The following FAF1 variants were observed in gnomAD, a reference collection of about 807,000 sequenced individuals.
FAF1 encodes Fas associated factor 1, also known as FAS-associated factor 1.
In FAF1, 25 loss-of-function variants were observed where a neutral mutation model predicts 92.5. The observed-to-expected ratio is 0.27, with a 90% CI of 0.20 to 0.38. FAF1 has a LOEUF of 0.38. Among genes scored for constraint, FAF1 ranks in the 10% least tolerant of loss-of-function variants. The pLI, the probability that FAF1 is intolerant of heterozygous loss-of-function variation, is 1.00. For synonymous variants in FAF1, 234 were observed against 273.2 expected, an observed-to-expected ratio of 0.86 and a Z score of 1.42; for missense variants, 636 against 793.3, an observed-to-expected ratio of 0.80 and a Z score of 2.38.
chr1:50,538,177 A>T (rs1648580971), intron 14 of FAF1, among the ~76,000 whole-genome samples: 1 of 149,870 alleles, frequency 6.7e-6, no homozygotes, highest in African/African-American at 2.5e-5. Context: ...TTTGCCTGTC[A>T]GTAATATTTT....
intron 15 of FAF1, among the ~76,000 whole-genome samples, chr1:50,514,165 A>G (rs1647174831): frequency 6.6e-6 from 1 of 152,220 alleles, no homozygotes; most frequent in African/African-American, 2.4e-5. Flanking sequence ...CTCCAGCCTT[A>G]TATTATTCTG....
chr1:50,448,968 G>C (rs1273257268), intron 18 of FAF1, among the ~76,000 whole-genome samples: 1 of 129,990 alleles, frequency 7.7e-6, no homozygotes, highest in Admixed American at 8.0e-5. Flanking sequence ...AAGTCTGTTT[G>C]GTCTTGATTA....
rs549189008 is a variant in FAF1, at chr1:50,910,307, C to G, written c.45+49460G>C. On this transcript the variant is annotated intron_variant, in intron 1 of 18. Coordinates refer to ENST00000396153, the MANE Select transcript of FAF1 (RefSeq NM_007051.3). Reference sequence around the variant, plus strand: ...AGTCAGCCCCTACTGGGAGGTGTCTCCCAGTTAGGCTACTCAGTGGTCAGG... The same window carrying G: ...AGTCAGCCCCTACTGGGAGGTGTCTGCCAGTTAGGCTACTCAGTGGTCAGG... Among the ~76,000 whole-genome samples the G allele has an allele frequency of 1.8e-3, 274 of 152,290 alleles. 1 individual carries two copies. The highest frequency in any genetic ancestry group is 2.3e-3 in the Non-Finnish European group (157 of 68,020).
At chr1:50,685,974 A>T (rs1296572366) in intron 7 of FAF1, among the ~76,000 whole-genome samples, 1 of 152,218 alleles carries the variant, frequency 6.6e-6, no homozygotes, top group African/African-American at 2.4e-5. Context: ...CTTTCCTAAC[A>T]GGCTAATTAA....
At chr1:50,779,991 G>GACACACACACACAC (rs57528056) in intron 4 of FAF1, among the ~76,000 whole-genome samples, 43 of 145,516 alleles carry the variant, frequency 3.0e-4, no homozygotes, top group African/African-American at 9.9e-4. Context: ...CAGACAGACA[G>GACACACACACACAC]ACACACACAC....
intron 18 of FAF1, among the ~76,000 whole-genome samples, chr1:50,459,506 T>C (rs1454195297): frequency 1.3e-5 from 2 of 152,192 alleles, no homozygotes; most frequent in African/African-American, 4.8e-5. Context: ...TATGGTACTA[T>C]ACCATCTTTT....
Position 50,487,140 on chromosome 1 carries a change from T to C in FAF1, c.1653+3448A>G, listed in dbSNP as rs78174197. ...ATAGTTGGGGTTAGTATTCACTACA[T>C]TGCACAGCTTCCTCTTGAACAGGAA... On this transcript the variant is annotated intron_variant, in intron 17 of 18. Coordinates refer to ENST00000396153, the MANE Select transcript of FAF1 (RefSeq NM_007051.3). 9.8e-3 allele frequency among the ~76,000 whole-genome samples: 1,496 copies of C among 152,324 alleles called. 24 individuals are homozygous for C. The highest frequency in any genetic ancestry group is 0.034 in the African/African-American group (1,422 of 41,564).
rs116115121 is a variant in FAF1 at position 50,859,047 on chromosome 1, G to A, written c.46-1050C>T. Among the ~76,000 whole-genome samples the A allele has an allele frequency of 4.1e-3, 618 of 151,844 alleles. 4 individuals carry two copies. Among genetic ancestry groups the A allele is most frequent in the African/African-American group, 0.013 (545 of 41,486 alleles). On this transcript the variant is annotated intron_variant, in intron 1 of 18. Coordinates refer to ENST00000396153, the MANE Select transcript of FAF1 (RefSeq NM_007051.3). ...ACCACACAATCATCTCAATAGATGC[G>A]GAAAAAGTTTTCAATAAAACCCAAC... is the stretch of plus-strand genomic sequence containing the variant.
At chr1:50,759,060 T>A (rs991600277) in intron 4 of FAF1, among the ~76,000 whole-genome samples, 3 of 152,206 alleles carry the variant, frequency 2.0e-5, no homozygotes, top group South Asian at 4.2e-4. Flanking sequence ...GCCAGGATGG[T>A]CTCAATCTCC....
chr1:50,814,915 T>G (rs372334513), intron 2 of FAF1, among the ~76,000 whole-genome samples: 3 of 152,276 alleles, frequency 2.0e-5, no homozygotes, highest in Middle Eastern at 3.4e-3. Context: ...AAAACCCTTT[T>G]GTACTGCTGA....
At chr1:50,571,533 G>C (rs1333468762) in intron 12 of FAF1, among the ~76,000 whole-genome samples, 1 of 152,152 alleles carries the variant, frequency 6.6e-6, no homozygotes, top group Non-Finnish European at 1.5e-5. Context: ...CAAAATAAAG[G>C]GTTTTGAAAG....
intron 1 of FAF1, among the ~76,000 whole-genome samples, chr1:50,904,228 C>T (rs1353090215): frequency 1.3e-5 from 2 of 152,114 alleles, no homozygotes; most frequent in Non-Finnish European, 2.9e-5. Flanking sequence ...AGTGTGGATG[C>T]ACCCTGAAGA....
intron 7 of FAF1, among the ~76,000 whole-genome samples, chr1:50,698,269 GTACT>G (rs1657317694): frequency 6.6e-6 from 1 of 152,074 alleles, no homozygotes; most frequent in Non-Finnish European, 1.5e-5. Flanking sequence ...AAGTAATGTG[GTACT>G]TACCACATCT....
At chr1:50,666,360 C>G (rs1197352712) in intron 7 of FAF1, among the ~76,000 whole-genome samples, 2 of 151,942 alleles carry the variant, frequency 1.3e-5, no homozygotes. Context: ...ATGCATACCA[C>G]CACACCTGGG....
At chr1:50,464,351 T>C (rs546367298) in intron 18 of FAF1, among the ~76,000 whole-genome samples, 2 of 152,266 alleles carry the variant, frequency 1.3e-5, no homozygotes, top group East Asian at 1.9e-4. Context: ...TATTATTATC[T>C]GCCTTTTACA....
chr1:50,942,745 TTG>T (rs1487088752), intron 1 of FAF1, among the ~76,000 whole-genome samples: 2 of 151,050 alleles, frequency 1.3e-5, no homozygotes, highest in African/African-American at 4.9e-5. Context: ...TTAGTTGTCG[TTG>T]TTTTTTTTTT....
At chr1:50,567,312 C>CT (rs1352585778) in intron 12 of FAF1, 81 bp from the exon 13 acceptor site, 2 of 1,017,858 alleles carry the variant, frequency 2.0e-6, no homozygotes, top group Non-Finnish European at 2.8e-6. Context: ...CATAATTAGT[C>CT]TATATGAACA....
chr1:50,593,083 G>T (rs1434292198), intron 9 of FAF1, among the ~76,000 whole-genome samples: 1 of 152,014 alleles, frequency 6.6e-6, no homozygotes, highest in Non-Finnish European at 1.5e-5. Flanking sequence ...AACAGAAAAA[G>T]CTGCTCAAAA....
intron 1 of FAF1, among the ~76,000 whole-genome samples, chr1:50,863,089 C>T (rs1352268572): frequency 6.6e-6 from 1 of 151,988 alleles, no homozygotes; most frequent in Non-Finnish European, 1.5e-5. Context: ...ATGGAACATT[C>T]TCCAAGATAG....
Sources: allele counts gnomAD v4.1 joint callset (sites outside exome capture counted in the v4.1 genomes callset), GRCh38; gene constraint gnomAD v4.1.1; transcripts MANE v1.5; gene names NCBI Gene and HGNC (gene_info 2026-07-23, HGNC 2026-07-21).